Variants in IGSF21 observed in about 807,000 individuals in gnomAD.
IGSF21 encodes immunoglobulin superfamily member 21.
IGSF21 carries 28 observed loss-of-function variants against 46.8 expected under a neutral mutation model. The ratio of observed to expected loss-of-function variants is 0.60; its 90% CI spans 0.44 to 0.82. The LOEUF is 0.82. Among genes scored for constraint, IGSF21 ranks in the 40% least tolerant of loss-of-function variants. The probability of loss-of-function intolerance (pLI) is 0.00; values close to 1 mark genes in which losing one functional copy is unlikely to be tolerated. For synonymous variants in IGSF21, 284 were observed against 273.6 expected (o/e 1.04, Z -0.38); for missense variants, 624 against 665.5 (o/e 0.94, Z 0.69).
At chr1:18,210,532 C>T (rs574154536) in intron 1 of IGSF21, among the ~76,000 whole-genome samples, 28 of 152,264 alleles carry the variant, frequency 1.8e-4, no homozygotes, top group South Asian at 8.3e-4. Context: ...TTTCGACGGC[C>T]GGTCCTGGTG....
intron 6 of IGSF21, among the ~76,000 whole-genome samples, chr1:18,369,569 G>A (rs1408200331): frequency 6.6e-6 from 1 of 152,212 alleles, no homozygotes; most frequent in East Asian, 1.9e-4. Flanking sequence ...CCAGTGGAAT[G>A]TGCCATGAGC....
chr1:18,187,788 T>C (rs1436380327), intron 1 of IGSF21, among the ~76,000 whole-genome samples: 1 of 151,638 alleles, frequency 6.6e-6, no homozygotes, highest in Non-Finnish European at 1.5e-5. Context: ...GAATTTTTTC[T>C]GGGGGGGTGG....
At chr1:18,316,257 C>T (rs1003626741) in intron 3 of IGSF21, among the ~76,000 whole-genome samples, 1 of 152,178 alleles carries the variant, frequency 6.6e-6, no homozygotes, top group South Asian at 2.1e-4. Context: ...TCATCCTGTC[C>T]CCTCCTCCCC....
intron 2 of IGSF21, among the ~76,000 whole-genome samples, chr1:18,240,284 A>G (rs942342746): frequency 5.3e-5 from 8 of 152,224 alleles, no homozygotes; most frequent in Non-Finnish European, 1.2e-4. Context: ...CTGTCTCAAA[A>G]ACAAAAACAA....
At chr1:18,306,750 G>A (rs2085430238) in intron 3 of IGSF21, among the ~76,000 whole-genome samples, 1 of 152,212 alleles carries the variant, frequency 6.6e-6, no homozygotes, top group Non-Finnish European at 1.5e-5. Context: ...GGGTGAGCTG[G>A]CCAGTCACAC....
At chr1:18,157,839 T>C (rs1175933600) in intron 1 of IGSF21, among the ~76,000 whole-genome samples, 2 of 152,110 alleles carry the variant, frequency 1.3e-5, no homozygotes, top group Non-Finnish European at 2.9e-5. Flanking sequence ...GGGTGTTTCC[T>C]CCATCTGACT....
intron 6 of IGSF21, among the ~76,000 whole-genome samples, chr1:18,369,611 A>T (rs1305292558): frequency 6.6e-6 from 1 of 152,178 alleles, no homozygotes; most frequent in Non-Finnish European, 1.5e-5. Flanking sequence ...ACCTTGCACC[A>T]TCAGGGCACC....
intron 1 of IGSF21, among the ~76,000 whole-genome samples, chr1:18,208,376 AATAT>A (rs5772795): frequency 4.5e-5 from 1 of 22,034 alleles, no homozygotes; most frequent in African/African-American, 1.8e-4. Flanking sequence ...GTTTAGGAAT[AATAT>A]ATATATATAT....
chr1:18,120,054 G>A (rs542350977), intron 1 of IGSF21, among the ~76,000 whole-genome samples: 22 of 152,314 alleles, frequency 1.4e-4, no homozygotes, highest in African/African-American at 4.8e-4. Context: ...TGTGATCCGG[G>A]GAACAAGTTA....
intron 1 of IGSF21, among the ~76,000 whole-genome samples, chr1:18,134,604 G>T (rs1407991921): frequency 6.6e-6 from 1 of 152,104 alleles, no homozygotes; most frequent in Non-Finnish European, 1.5e-5. Flanking sequence ...GCTTTTCCTG[G>T]GCTGTGGATG....
At chr1:18,324,933 G>A (rs1201285430) in intron 3 of IGSF21, among the ~76,000 whole-genome samples, 1 of 152,336 alleles carries the variant, frequency 6.6e-6, no homozygotes, top group Non-Finnish European at 1.5e-5. Flanking sequence ...AGGTCCCCAG[G>A]AATATATTGA....
chr1:18,160,527 T>C (rs1224165202), intron 1 of IGSF21, among the ~76,000 whole-genome samples: 1 of 152,052 alleles, frequency 6.6e-6, no homozygotes, highest in East Asian at 1.9e-4. Context: ...CTGCACTTTC[T>C]AGCTGGGCGA....
chr1:18,153,475 C>T (rs75199134), intron 1 of IGSF21, among the ~76,000 whole-genome samples: 40 of 152,272 alleles, frequency 2.6e-4, no homozygotes, highest in African/African-American at 8.9e-4. Flanking sequence ...GGACCCTAAG[C>T]GCAGCCAAAC....
At chr1:18,338,893 G>A (rs998951511) in intron 4 of IGSF21, among the ~76,000 whole-genome samples, 5 of 151,920 alleles carry the variant, frequency 3.3e-5, no homozygotes, top group South Asian at 2.1e-4. Flanking sequence ...TGGGGGTGCA[G>A]GTTAGGGGGG....
At chr1:18,229,561 G>T (rs941629331) in intron 2 of IGSF21, among the ~76,000 whole-genome samples, 2 of 152,156 alleles carry the variant, frequency 1.3e-5, no homozygotes, top group African/African-American at 4.8e-5. Flanking sequence ...TTTCAGCATT[G>T]CAGTCTCTCC....
intron 1 of IGSF21, among the ~76,000 whole-genome samples, chr1:18,124,873 G>A (rs2086263100): frequency 6.6e-6 from 1 of 152,190 alleles, no homozygotes; most frequent in African/African-American, 2.4e-5. Flanking sequence ...TATTTAGTGC[G>A]GCGTGTGGGT....
chr1:18,218,204 G>A (rs917187664), intron 1 of IGSF21, among the ~76,000 whole-genome samples: 20 of 152,194 alleles, frequency 1.3e-4, no homozygotes, highest in Admixed American at 3.9e-4. Flanking sequence ...GGGGAAGCAG[G>A]CACATCTTAC....
At chr1:18,303,826 C>T (rs79968328) in intron 3 of IGSF21, among the ~76,000 whole-genome samples, 2,179 of 152,198 alleles carry the variant, frequency 0.014, 47 homozygotes, top group African/African-American at 0.047. Context: ...TGGATATGGT[C>T]AGCAAGGGTG....
At chr1:18,149,414 G>T (rs569430669) in intron 1 of IGSF21, among the ~76,000 whole-genome samples, 1 of 152,304 alleles carries the variant, frequency 6.6e-6, no homozygotes, top group East Asian at 1.9e-4. Context: ...CGGTTCAGAG[G>T]CTCAGACTCA....
Sources: allele counts gnomAD v4.1 joint callset (sites outside exome capture counted in the v4.1 genomes callset), GRCh38; gene constraint gnomAD v4.1.1; transcripts MANE v1.5; gene names NCBI Gene and HGNC (gene_info 2026-07-23, HGNC 2026-07-21).